The following NRG1 variants were observed in gnomAD, a reference collection of about 807,000 sequenced individuals.
The protein encoded by NRG1 is neuregulin 1, also known as pro-neuregulin-1, membrane-bound isoform.
Under a neutral mutation model 63.8 loss-of-function variants are expected in NRG1, and 18 were observed. That is an observed-to-expected ratio of 0.28 (90% CI 0.19 to 0.42). The LOEUF (loss-of-function observed/expected upper bound fraction) is 0.42. NRG1 is among the 10% of genes least tolerant of loss of function. The pLI is 1.00. For missense variants in NRG1, 762 were observed against 814.7 expected (o/e 0.94, Z 0.79); for synonymous variants, 302 against 301.3 (o/e 1.00, Z -0.02).
intron 1 of NRG1, among the ~76,000 whole-genome samples, chr8:31,861,385 T>C (rs1256733085): frequency 2.0e-5 from 3 of 152,158 alleles, no homozygotes. Flanking sequence ...CTTGAGGCAG[T>C]GTTCAAAATC....
intron 1 of NRG1, among the ~76,000 whole-genome samples, chr8:32,540,320 C>A (rs1832454422): frequency 6.6e-6 from 1 of 152,020 alleles, no homozygotes; most frequent in African/African-American, 2.4e-5. Flanking sequence ...ATATTTAGCA[C>A]CCATAATAAA....
intron 5 of NRG1, among the ~76,000 whole-genome samples, chr8:32,632,504 A>C (rs934346205): frequency 6.8e-6 from 1 of 147,232 alleles, no homozygotes; most frequent in Non-Finnish European, 1.5e-5. Context: ...AGCTGAGATC[A>C]CGCCATTGCA....
intron 1 of NRG1, among the ~76,000 whole-genome samples, chr8:32,309,596 C>G (rs1019951809): frequency 6.6e-6 from 1 of 152,232 alleles, no homozygotes; most frequent in South Asian, 2.1e-4. Flanking sequence ...GGGGTGATCA[C>G]TGGCTCTCCT....
intron 5 of NRG1, among the ~76,000 whole-genome samples, chr8:32,654,658 T>TGTATATTATATGTATAATATA (rs548070225): frequency 6.6e-6 from 1 of 150,504 alleles, no homozygotes; most frequent in Non-Finnish European, 1.5e-5. Context: ...CTTTATAATA[T>TGTATATTATATGTATAATATA]TGATATGTAT....
At chr8:32,052,775 A>G (rs371833793) in intron 1 of NRG1, among the ~76,000 whole-genome samples, 3 of 152,134 alleles carry the variant, frequency 2.0e-5, no homozygotes, top group East Asian at 3.9e-4. Flanking sequence ...AATCACAGTC[A>G]CTTTGCCATA....
chr8:31,854,191 C>T (rs1381254805), intron 1 of NRG1, among the ~76,000 whole-genome samples: 1 of 150,750 alleles, frequency 6.6e-6, no homozygotes, highest in Admixed American at 6.6e-5. Flanking sequence ...GGAATGGTAC[C>T]AGTTCCTCCT....
At chr8:32,563,231 C>T (rs1202186131) in intron 1 of NRG1, among the ~76,000 whole-genome samples, 1 of 152,152 alleles carries the variant, frequency 6.6e-6, no homozygotes, top group Admixed American at 6.5e-5. Flanking sequence ...AAAATATTGG[C>T]TCACTTAGAG....
At chr8:32,623,560 A>G (rs1439748944) in intron 5 of NRG1, among the ~76,000 whole-genome samples, 1 of 152,278 alleles carries the variant, frequency 6.6e-6, no homozygotes, top group African/African-American at 2.4e-5. Context: ...TAATAATTCA[A>G]AAAGAAAATT....
intron 1 of NRG1, among the ~76,000 whole-genome samples, chr8:32,329,938 A>T (rs1802439693): frequency 6.6e-6 from 1 of 150,804 alleles, no homozygotes; most frequent in Non-Finnish European, 1.5e-5. Context: ...CAATAGCTTG[A>T]TCACAGCTCA....
chr8:31,821,080 T>A (rs925747078), intron 1 of NRG1, among the ~76,000 whole-genome samples: 1 of 152,222 alleles, frequency 6.6e-6, no homozygotes, highest in Non-Finnish European at 1.5e-5. Flanking sequence ...TAATGCATAA[T>A]ACAATGTAAC....
intron 5 of NRG1, among the ~76,000 whole-genome samples, chr8:32,697,395 T>C (rs910695117): frequency 2.0e-5 from 3 of 152,244 alleles, no homozygotes; most frequent in Non-Finnish European, 4.4e-5. Flanking sequence ...AACTGCTCAT[T>C]TTTAGCTTGA....
chr8:31,834,950 G>T (rs1314788662), intron 1 of NRG1, among the ~76,000 whole-genome samples: 1 of 152,030 alleles, frequency 6.6e-6, no homozygotes, highest in African/African-American at 2.4e-5. Context: ...TTTTCCTATA[G>T]AATCACAAGA....
intron 2 of NRG1, among the ~76,000 whole-genome samples, chr8:32,597,403 G>A (rs894686084): frequency 3.3e-5 from 5 of 151,988 alleles, no homozygotes; most frequent in Admixed American, 6.6e-5. Flanking sequence ...TTAACTACAC[G>A]TTGACTCTAG....
chr8:32,085,979 G>A (rs1014787161), intron 1 of NRG1, among the ~76,000 whole-genome samples: 4 of 152,152 alleles, frequency 2.6e-5, no homozygotes, highest in East Asian at 1.9e-4. Context: ...TCCATGCACC[G>A]TGCTCCTTAG....
At chr8:31,801,892 C>G (rs965621058) in intron 1 of NRG1, among the ~76,000 whole-genome samples, 1 of 152,172 alleles carries the variant, frequency 6.6e-6, no homozygotes, top group South Asian at 2.1e-4. Context: ...AAGTTCTACA[C>G]TAGATTTGAT....
intron 1 of NRG1, among the ~76,000 whole-genome samples, chr8:31,923,083 G>T (rs950742904): frequency 6.6e-6 from 1 of 152,122 alleles, no homozygotes; most frequent in African/African-American, 2.4e-5. Context: ...TTTGATTCCA[G>T]ATCTCAGGTT....
chr8:32,092,461 CAAAA>C (rs71208167), intron 1 of NRG1, among the ~76,000 whole-genome samples: 2 of 83,704 alleles, frequency 2.4e-5, no homozygotes, highest in Admixed American at 1.5e-4. Context: ...GACCCTGTCT[CAAAA>C]AAAAAAAAAA....
intron 1 of NRG1, among the ~76,000 whole-genome samples, chr8:32,067,334 A>G (rs1057132888): frequency 9.9e-5 from 15 of 152,146 alleles, no homozygotes; most frequent in Non-Finnish European, 1.0e-4. Flanking sequence ...TTTGTCATAG[A>G]CAGCGCTTAT....
At chr8:32,632,678 A>G (rs1463708946) in intron 5 of NRG1, among the ~76,000 whole-genome samples, 2 of 152,076 alleles carry the variant, frequency 1.3e-5, no homozygotes, top group Non-Finnish European at 2.9e-5. Flanking sequence ...AGCCTTGTAT[A>G]TTTTCATCAG....
Sources: allele counts gnomAD v4.1 joint callset (sites outside exome capture counted in the v4.1 genomes callset), GRCh38; gene constraint gnomAD v4.1.1; transcripts MANE v1.5; gene names NCBI Gene and HGNC (gene_info 2026-07-23, HGNC 2026-07-21).